AK8: variants seen among roughly 807,000 people sequenced by gnomAD.
AK8 encodes the protein adenylate kinase 8, also known as ATP-AMP transphosphorylase 8.
AK8 carries 44 observed loss-of-function variants against 54.6 expected under a neutral mutation model. That is an observed-to-expected ratio of 0.81 (90% CI 0.63 to 1.04). The LOEUF is 1.04. AK8 is among the 50% of genes least tolerant of loss of function. The probability of loss-of-function intolerance (pLI) is 0.00; values close to 1 mark genes in which losing one functional copy is unlikely to be tolerated. For synonymous variants in AK8, 239 were observed against 245.6 expected (o/e 0.97, Z 0.25); for missense variants, 555 against 613.6 (o/e 0.90, Z 1.01).
intron 9 of AK8, among the ~76,000 whole-genome samples, chr9:132,817,654 A>G (rs1285995057): frequency 6.6e-6 from 1 of 152,212 alleles, no homozygotes. Context: ...AAGAGGCAAT[A>G]GGAAGTAGCC....
intron 9 of AK8, among the ~76,000 whole-genome samples, chr9:132,822,519 G>T (rs1841690426): frequency 6.6e-6 from 1 of 151,946 alleles, no homozygotes; most frequent in Admixed American, 6.6e-5. Flanking sequence ...GGCTACTTAG[G>T]TTTGTGGAGC....
intron 4 of AK8, among the ~76,000 whole-genome samples, chr9:132,856,273 C>T (rs1843170071): frequency 6.6e-6 from 1 of 152,182 alleles, no homozygotes; most frequent in Non-Finnish European, 1.5e-5. Context: ...AGAGCAGAGA[C>T]TCGGACTTGG....
intron 5 of AK8, among the ~76,000 whole-genome samples, chr9:132,845,310 C>T (rs564335045): frequency 7.2e-5 from 11 of 152,202 alleles, no homozygotes; most frequent in Admixed American, 1.3e-4. Context: ...TAACTAATAA[C>T]GATGTCAATT....
Position 132,826,370 on chromosome 9 carries a change from C to A in AK8, c.757+484G>T, listed in dbSNP as rs547858490. Among the ~76,000 whole-genome samples the A allele has an allele frequency of 1.2e-4, 19 of 152,344 alleles. No individual in the cohort carries two copies. The South Asian group carries it at 1.9e-3, about 15-fold the overall frequency. On this transcript the variant is annotated intron_variant, in intron 8 of 12. Transcript: ENST00000298545. The surrounding 1 kb of genome is among the most constrained non-coding windows in gnomAD (Gnocchi z 4.5). ...CATTGGCCATTGCTGTGGACAGCAA[C>A]GCAGTGCCAGGCGCGGGGCCATGTA...
At chr9:132,776,866 C>T (rs921591966) in intron 11 of AK8, among the ~76,000 whole-genome samples, 1 of 152,218 alleles carries the variant, frequency 6.6e-6, no homozygotes, top group Middle Eastern at 3.2e-3. Context: ...CCACCAACCA[C>T]TTCCTTATCC....
At chr9:132,854,411 C>T (rs1462238462) in intron 5 of AK8, among the ~76,000 whole-genome samples, 5 of 152,106 alleles carry the variant, frequency 3.3e-5, no homozygotes, top group Admixed American at 1.3e-4. Context: ...CCCAGGAGGC[C>T]GGCCTCAGTG....
In AK8 at chr9:132,781,859, G is replaced by A. The variant is rs1839485271; in HGVS notation, c.1121+10775C>T. Among the ~76,000 whole-genome samples, 1 of 152,122 alleles carries A rather than the reference G, an allele frequency of 6.6e-6. No individual in the cohort carries two copies. Among genetic ancestry groups the A allele is most frequent in the Non-Finnish European group, 1.5e-5 (1 of 68,040 alleles). ...TTCTTAGCCTGTATCTGAACTTGAA[G>A]GTTTACGGCTAAGATTACTTTCTGA... On this transcript the variant is annotated intron_variant, in intron 11 of 12. Transcript: ENST00000298545. This position sits in a 1 kb window ranked among gnomAD's most constrained non-coding sequence, Gnocchi z 4.6.
At chr9:132,750,160 G>C (rs958331229) in intron 11 of AK8, among the ~76,000 whole-genome samples, 7 of 151,734 alleles carry the variant, frequency 4.6e-5, no homozygotes, top group Admixed American at 1.3e-4. Flanking sequence ...GCTCTGTCAT[G>C]CAGGCTGGAG....
chr9:132,850,631 C>T (rs1366259558), intron 5 of AK8, among the ~76,000 whole-genome samples: 2 of 152,138 alleles, frequency 1.3e-5, no homozygotes, highest in Non-Finnish European at 2.9e-5. Context: ...ATCCTGACCT[C>T]AGGTGATCCG....
chr9:132,836,923 C>T (rs1316130077), intron 5 of AK8, among the ~76,000 whole-genome samples: 3 of 152,228 alleles, frequency 2.0e-5, no homozygotes, highest in African/African-American at 7.2e-5. Flanking sequence ...AAAGTGGTGG[C>T]ACAACGTCTG....
chr9:132,806,420 A>G (rs2131222118), intron 10 of AK8, among the ~76,000 whole-genome samples: 1 of 152,158 alleles, frequency 6.6e-6, no homozygotes, highest in South Asian at 2.1e-4. Flanking sequence ...CAACTTGTAA[A>G]TTATTTAGAG....
chr9:132,809,167 A>G (rs415831), intron 10 of AK8, among the ~76,000 whole-genome samples: 42,908 of 152,086 alleles, frequency 0.28, 6,215 homozygotes, highest in East Asian at 0.49. Flanking sequence ...GGCACCCAGG[A>G]CAGAGATATC....
At chr9:132,763,722 G>A (rs549892404) in intron 11 of AK8, among the ~76,000 whole-genome samples, 28 of 152,316 alleles carry the variant, frequency 1.8e-4, no homozygotes, top group East Asian at 5.8e-4. Flanking sequence ...ACTTGGCAGC[G>A]CTGGTGTCAT....
intron 11 of AK8, among the ~76,000 whole-genome samples, chr9:132,776,691 G>C (rs1406988229): frequency 6.6e-6 from 1 of 152,186 alleles, no homozygotes; most frequent in Non-Finnish European, 1.5e-5. Context: ...ACCTCCATGA[G>C]TGTGCCTCGA....
At chr9:132,735,827 G>C (rs1443114974) in intron 11 of AK8, among the ~76,000 whole-genome samples, 1 of 152,226 alleles carries the variant, frequency 6.6e-6, no homozygotes, top group African/African-American at 2.4e-5. Flanking sequence ...TTCATCAATA[G>C]ATGAATGGAT....
chr9:132,852,027 G>T (rs1842988374), intron 5 of AK8, among the ~76,000 whole-genome samples: 1 of 152,148 alleles, frequency 6.6e-6, no homozygotes, highest in Non-Finnish European at 1.5e-5. Flanking sequence ...AACACAGAAA[G>T]ATACAGTCTC....
At chr9:132,820,762 C>T (rs1841558522) in intron 9 of AK8, among the ~76,000 whole-genome samples, 1 of 152,146 alleles carries the variant, frequency 6.6e-6, no homozygotes, top group Admixed American at 6.5e-5. Context: ...AGATATTTTC[C>T]TTTGGCTGAG....
At position 132,790,620 on chromosome 9, in the gene AK8, A is replaced by G. The variant is rs866390302; in HGVS notation, c.1121+2014T>C. Among the ~76,000 whole-genome samples the G allele has an allele frequency of 6.6e-6, 1 of 152,188 alleles. No individual in the cohort carries two copies. The highest frequency in any genetic ancestry group is 1.5e-5 in the Non-Finnish European group (1 of 68,026). ...CCAGTAGCACCTTAATGTCAGCAGT[A>G]CCAGGACAGCCCTTATGGTCAGGAA... On this transcript the variant is annotated intron_variant, in intron 11 of 12. Transcript: ENST00000298545. This position sits in a 1 kb window ranked among gnomAD's most constrained non-coding sequence, Gnocchi z 4.1.
chr9:132,756,594 G>A (rs1838201130), intron 11 of AK8, among the ~76,000 whole-genome samples: 1 of 152,058 alleles, frequency 6.6e-6, no homozygotes, highest in East Asian at 1.9e-4. Flanking sequence ...ACTCCGAAGT[G>A]CGAACAGAAT....
Sources: allele counts gnomAD v4.1 joint callset (sites outside exome capture counted in the v4.1 genomes callset), GRCh38; gene constraint gnomAD v4.1.1; non-coding constraint Gnocchi (gnomAD v3.1); transcripts MANE v1.5; gene names NCBI Gene and HGNC (gene_info 2026-07-23, HGNC 2026-07-21).